UVSSA: variants seen among roughly 807,000 people sequenced by gnomAD.
UVSSA encodes the protein UV stimulated scaffold protein A.
Under a neutral mutation model 73.9 loss-of-function variants are expected in UVSSA, and 72 were observed. The ratio of observed to expected loss-of-function variants is 0.97; its 90% confidence interval spans 0.81 to 1.19. UVSSA has a LOEUF of 1.19. Among genes scored for constraint, UVSSA ranks in the 50% most tolerant of loss-of-function variants. UVSSA has a pLI of 0.00. For synonymous variants in UVSSA, 454 were observed against 391.3 expected (o/e 1.16, Z -1.89); for missense variants, 1,150 against 965.0 (o/e 1.19, Z -2.54).
intron 8 of UVSSA, among the ~76,000 whole-genome samples, chr4:1,374,060 C>T (rs935286566): frequency 2.6e-5 from 4 of 152,202 alleles, no homozygotes; most frequent in African/African-American, 7.2e-5. Flanking sequence ...ACGCCTTGCT[C>T]GGTCCGTTTT....
intron 2 of UVSSA, among the ~76,000 whole-genome samples, chr4:1,348,961 G>A (rs949200668): frequency 2.6e-5 from 4 of 151,936 alleles, no homozygotes; most frequent in Admixed American, 2.0e-4. Flanking sequence ...TGGGCGGTGT[G>A]CGTTGTGCCA....
At chr4:1,395,426 C>G in exon 14 of UVSSA, 2 of 1,542,482 alleles carry the variant, frequency 1.3e-6, no homozygotes, top group Non-Finnish European at 1.8e-6. Context: ...CTCACACGTG[C>G]CGACGTGGAG....
intron 8 of UVSSA, among the ~76,000 whole-genome samples, chr4:1,373,474 A>G (rs990180649): frequency 1.3e-5 from 2 of 152,168 alleles, no homozygotes; most frequent in Admixed American, 6.5e-5. Flanking sequence ...TCCTTTGGCA[A>G]CACCCTCGCA....
chr4:1,371,173 T>C (rs1422558883), intron 8 of UVSSA, among the ~76,000 whole-genome samples: 1 of 152,144 alleles, frequency 6.6e-6, no homozygotes, highest in East Asian at 1.9e-4. Context: ...TGTGTGTGTA[T>C]GTACTCAGTA....
chr4:1,367,753 C>G (rs917398468), intron 8 of UVSSA, among the ~76,000 whole-genome samples: 3 of 152,268 alleles, frequency 2.0e-5, no homozygotes, highest in African/African-American at 7.2e-5. Context: ...AGCCGAGGGA[C>G]CTGCACGCCT....
chr4:1,346,687 C>A (rs1376046335), upstream of UVSSA, among the ~76,000 whole-genome samples: 1 of 152,040 alleles, frequency 6.6e-6, no homozygotes, highest in Non-Finnish European at 1.5e-5. Context: ...GGGGCCCGCG[C>A]CCGCCCGTCT....
Position 1,370,882 on chromosome 4 carries a change from G to A in UVSSA, c.1288+4451G>A, listed in dbSNP as rs370436735. ...TCCTCTGCAACTCAGGGACGGGGTCGGTGGCTCACTCCTTGATTCACGGGA... is the reference window on the plus strand; with the variant it reads ...TCCTCTGCAACTCAGGGACGGGGTCAGTGGCTCACTCCTTGATTCACGGGA... On this transcript the variant is annotated intron_variant, in intron 8 of 13. Transcript: ENST00000389851. 7.0e-4 allele frequency among the ~76,000 whole-genome samples: 106 copies of A among 152,316 alleles called. 3 individuals carry two copies. The South Asian group carries it at 0.016, about 22-fold the overall frequency.
intron 9 of UVSSA, 75 bp downstream of exon 9, chr4:1,375,583 C>T: frequency 1.9e-6 from 3 of 1,543,506 alleles, no homozygotes; most frequent in Non-Finnish European, 1.7e-6. Flanking sequence ...ACTGGCCGGC[C>T]TCGAGAGGCT....
In UVSSA at chr4:1,347,444, G is replaced by A. The variant is rs1713868099; in HGVS notation, c.-319G>A. On this transcript the variant is annotated 5_prime_UTR_variant, in exon 1 of 14. Coordinates refer to ENST00000389851, the MANE Select transcript of UVSSA (RefSeq NM_020894.4). The stretch of plus-strand genomic sequence containing the variant: ...CGCGCCCGCCCGGTGCAGCCGCTGT[G>A]CGAGAGCGACCCCGCGGTCCAAGCC... The A allele has an allele frequency of 6.6e-6, 1 of 152,318 alleles. No homozygotes were observed. The highest frequency in any genetic ancestry group is 2.4e-5 in the African/African-American group (1 of 41,474). 9.4% of individuals were successfully genotyped at this position (152,318 alleles called of 1,614,324 possible).
At chr4:1,346,792 G>C (rs1713749330), upstream of UVSSA, among the ~76,000 whole-genome samples, 2 of 151,960 alleles carry the variant, frequency 1.3e-5, no homozygotes, top group African/African-American at 4.8e-5. Context: ...CTTCCTTTCG[G>C]CCTCAGTTTC....
chr4:1,353,111 A>G lies in UVSSA; in HGVS notation c.632A>G (p.Asn211Ser). ...CTGGTGCCTTTTGACTTTGACCCGA[A>G]CCCGGAGACGGAATCCCTTGGCATG... ...RLLVPFDFDPNPETESLGMAS... is the reference protein window; with the variant it reads ...RLLVPFDFDPSPETESLGMAS... The change falls in exon 5 of 14, where the codon AAC (asparagine) becomes AGC (serine). Residue 211 changes from asparagine to serine, a missense_variant. Transcript: ENST00000389851. 6.2e-7 allele frequency: 1 copy of G among 1,613,012 alleles called. No individual in the cohort carries two copies. Among genetic ancestry groups the G allele is most frequent in the Non-Finnish European group, 8.5e-7 (1 of 1,180,012 alleles).
At chr4:1,342,865 C>G (rs544324353), upstream of UVSSA, among the ~76,000 whole-genome samples, 1 of 152,124 alleles carries the variant, frequency 6.6e-6, no homozygotes, top group Non-Finnish European at 1.5e-5. Context: ...TGTCCTAACA[C>G]CACATTATCT....
At chr4:1,364,287 G>A (rs1289958765) in intron 7 of UVSSA, among the ~76,000 whole-genome samples, 2 of 134,266 alleles carry the variant, frequency 1.5e-5, no homozygotes, top group Non-Finnish European at 3.2e-5. Context: ...GGGTGCTGGT[G>A]CCCGGGCCCC....
At chr4:1,394,238 A>T in exon 14 of UVSSA, 6 of 634,848 alleles carry the variant, frequency 9.5e-6, no homozygotes. Flanking sequence ...CTCAGCGGCC[A>T]CTGTGGGCAT....
intron 3 of UVSSA, among the ~76,000 whole-genome samples, chr4:1,350,289 C>T (rs918166170): frequency 6.6e-6 from 1 of 152,190 alleles, no homozygotes; most frequent in Non-Finnish European, 1.5e-5. Flanking sequence ...TGATGAAACC[C>T]ACCAGGATCT....
Position 1,375,477 on chromosome 4 carries a change from C to A in UVSSA, c.1402C>A (p.Arg468=). The A allele has an allele frequency of 6.2e-7, 1 of 1,611,972 alleles. No homozygotes were observed. Among genetic ancestry groups the A allele is most frequent in the Non-Finnish European group, 8.5e-7 (1 of 1,179,932 alleles). ...TSAAAQLRQL[R]DHLPPPSSAS... ...TGCGGCTGCTCAGCTGCGGCAGCTC[C>A]GGGACCACTTGCCTCCACCCTCATC... Residue 468 remains arginine, a synonymous_variant, in exon 9 of 14, where the codon CGG becomes AGG. Coordinates refer to ENST00000389851, the MANE Select transcript of UVSSA (RefSeq NM_020894.4).
intron 3 of UVSSA, among the ~76,000 whole-genome samples, chr4:1,351,065 C>T (rs760159828): frequency 6.6e-6 from 1 of 152,064 alleles, no homozygotes; most frequent in Non-Finnish European, 1.5e-5. Flanking sequence ...GCCACCACAC[C>T]TGGCTATTTT....
intron 8 of UVSSA, among the ~76,000 whole-genome samples, chr4:1,369,841 G>A (rs1482923484): frequency 1.3e-5 from 2 of 152,274 alleles, no homozygotes; most frequent in East Asian, 1.9e-4. Context: ...CAAAACAACT[G>A]TGGGAGTGAA....
chr4:1,350,901 T>G (rs1176314767), intron 3 of UVSSA, among the ~76,000 whole-genome samples: 1 of 152,196 alleles, frequency 6.6e-6, no homozygotes, highest in Non-Finnish European at 1.5e-5. Context: ...GTTTTTGTTG[T>G]TGTTGTTGAT....
Sources: gnomAD v4.1 joint callset for allele counts (sites outside exome capture counted in the v4.1 genomes callset) on GRCh38, gnomAD v4.1.1 for gene constraint, MANE v1.5 for transcripts, NCBI Gene and HGNC (gene_info 2026-07-23, HGNC 2026-07-21) for gene names.